Variants in TLL1 observed in about 807,000 individuals in gnomAD.
TLL1 encodes the protein tolloid like 1.
A neutral mutation model predicts 128.2 loss-of-function variants in TLL1; 49 were observed. That is an observed-to-expected ratio of 0.38 (90% CI 0.30 to 0.48). The LOEUF is 0.48. Among genes scored for constraint, TLL1 ranks in the 20% least tolerant of loss-of-function variants. The pLI is 0.96. For synonymous variants in TLL1, 454 were observed against 418.8 expected (o/e 1.08, Z -1.03); for missense variants, 1,123 against 1,242.0 (o/e 0.90, Z 1.44).
chr4:165,878,408 C>T (rs557358169), intron 1 of TLL1, among the ~76,000 whole-genome samples: 2 of 151,402 alleles, frequency 1.3e-5, no homozygotes, highest in African/African-American at 2.4e-5. Flanking sequence ...ACTCAGAAGT[C>T]GCCAAAATAC....
At chr4:165,916,652 A>G (rs912679653) in intron 1 of TLL1, among the ~76,000 whole-genome samples, 2 of 152,154 alleles carry the variant, frequency 1.3e-5, no homozygotes, top group Non-Finnish European at 2.9e-5. Context: ...ACTTTCTTAA[A>G]ATATTATATG....
At chr4:165,924,454 C>A (rs923942326) in intron 1 of TLL1, among the ~76,000 whole-genome samples, 1 of 152,136 alleles carries the variant, frequency 6.6e-6, no homozygotes, top group Non-Finnish European at 1.5e-5. Context: ...AAAGCCTAAT[C>A]CAGAACAAGG....
chr4:166,095,186 A>T (rs10027740), intron 19 of TLL1, among the ~76,000 whole-genome samples: 148,387 of 152,178 alleles, frequency 0.98, 72,457 homozygotes, highest in East Asian at 1. Flanking sequence ...GAAAAATTTC[A>T]AACACTATGA....
At chr4:166,019,595 A>G (rs1738117516) in intron 8 of TLL1, among the ~76,000 whole-genome samples, 1 of 152,114 alleles carries the variant, frequency 6.6e-6, no homozygotes. Flanking sequence ...CTGACCTGAT[A>G]AAGAATATAG....
intron 12 of TLL1, chr4:166,044,393 C>G: frequency 1.3e-6 from 2 of 1,535,426 alleles, no homozygotes; most frequent in Non-Finnish European, 1.7e-6. Flanking sequence ...CCAGGGATTG[C>G]CAGTAAAGCC....
At chr4:165,907,418 A>G (rs530572192) in intron 1 of TLL1, among the ~76,000 whole-genome samples, 20 of 152,340 alleles carry the variant, frequency 1.3e-4, no homozygotes, top group Non-Finnish European at 2.6e-4. Context: ...TGTGTGGAAT[A>G]TGTGAGGAAT....
chr4:165,918,029 A>C (rs1732864349), intron 1 of TLL1, among the ~76,000 whole-genome samples: 1 of 152,170 alleles, frequency 6.6e-6, no homozygotes, highest in Non-Finnish European at 1.5e-5. Flanking sequence ...AGACAAATGG[A>C]AATTTTAGTT....
chr4:166,088,152 CT>C (rs1375032163), intron 18 of TLL1, among the ~76,000 whole-genome samples: 2 of 152,160 alleles, frequency 1.3e-5, no homozygotes, highest in African/African-American at 4.8e-5. Flanking sequence ...TTCAGCCTTG[CT>C]GGCTATCCTG....
chr4:165,962,665 C>G (rs778338852), intron 1 of TLL1, among the ~76,000 whole-genome samples: 3 of 152,106 alleles, frequency 2.0e-5, no homozygotes, highest in Non-Finnish European at 4.4e-5. Flanking sequence ...GCCAGGTGCT[C>G]ATCAATGGTG....
chr4:166,050,492 A>G (rs896924022), intron 12 of TLL1, among the ~76,000 whole-genome samples: 10 of 152,040 alleles, frequency 6.6e-5, no homozygotes, highest in South Asian at 2.1e-4. Context: ...TGGTAATTCT[A>G]TTTTTTATTT....
At chr4:166,063,440 T>C (rs1740429521) in intron 15 of TLL1, among the ~76,000 whole-genome samples, 1 of 152,176 alleles carries the variant, frequency 6.6e-6, no homozygotes, top group South Asian at 2.1e-4. Context: ...TGACGATTCC[T>C]CAAGGATCTA....
intron 1 of TLL1, among the ~76,000 whole-genome samples, chr4:165,930,677 A>T (rs1733475641): frequency 6.6e-6 from 1 of 152,234 alleles, no homozygotes; most frequent in Admixed American, 6.5e-5. Context: ...AATTTCTGCA[A>T]TTGAGATCAG....
At chr4:165,997,913 T>G (rs1446319733) in intron 5 of TLL1, among the ~76,000 whole-genome samples, 1 of 152,190 alleles carries the variant, frequency 6.6e-6, no homozygotes, top group Non-Finnish European at 1.5e-5. Context: ...ACCCTCACCC[T>G]TATATTGGTA....
chr4:166,046,247 G>C (rs575504000), intron 12 of TLL1, among the ~76,000 whole-genome samples: 1 of 152,248 alleles, frequency 6.6e-6, no homozygotes, highest in East Asian at 1.9e-4. Context: ...CTTTATTAAA[G>C]GCATGTAAGT....
intron 1 of TLL1, among the ~76,000 whole-genome samples, chr4:165,915,188 T>C (rs1732725276): frequency 6.6e-6 from 1 of 152,220 alleles, no homozygotes; most frequent in Admixed American, 6.5e-5. Flanking sequence ...CATACATATG[T>C]ACTATAAGTA....
chr4:166,016,557 T>C (rs1737959321), intron 8 of TLL1, among the ~76,000 whole-genome samples: 1 of 152,074 alleles, frequency 6.6e-6, no homozygotes, highest in Admixed American at 6.6e-5. Context: ...TAATTAGAAG[T>C]ATAGTTTCTA....
At chr4:166,020,737 G>A (rs929950898) in intron 8 of TLL1, among the ~76,000 whole-genome samples, 2 of 151,962 alleles carry the variant, frequency 1.3e-5, no homozygotes, top group African/African-American at 4.8e-5. Context: ...ACCAACTATT[G>A]TCCCTAATAT....
intron 1 of TLL1, among the ~76,000 whole-genome samples, chr4:165,954,208 A>G (rs1029058685): frequency 3.9e-5 from 6 of 152,132 alleles, no homozygotes; most frequent in East Asian, 1.9e-4. Context: ...ACAAAAGGAT[A>G]TGGGGAGAGG....
chr4:165,935,958 A>C (rs1733740592), intron 1 of TLL1, among the ~76,000 whole-genome samples: 1 of 151,732 alleles, frequency 6.6e-6, no homozygotes, highest in African/African-American at 2.4e-5. Flanking sequence ...ATCAGAGTTG[A>C]GTTAATCTCT....
Sources: gnomAD v4.1 joint callset for allele counts (sites outside exome capture counted in the v4.1 genomes callset) on GRCh38, gnomAD v4.1.1 for gene constraint, MANE v1.5 for transcripts, NCBI Gene and HGNC (gene_info 2026-07-23, HGNC 2026-07-21) for gene names.